Variants in EHHADH observed in about 807,000 individuals in gnomAD.
The protein encoded by EHHADH is peroxisomal bifunctional enzyme.
Under a neutral mutation model 64.4 loss-of-function variants are expected in EHHADH, and 48 were observed. That is an observed-to-expected ratio of 0.75 (90% CI 0.59 to 0.95). EHHADH has a LOEUF of 0.95. Ranked by LOEUF, EHHADH falls within the 40% of genes least tolerant of loss-of-function variation. The pLI is 0.00. For synonymous variants in EHHADH, 308 were observed against 326.7 expected (o/e 0.94, Z 0.62); for missense variants, 854 against 876.6 (o/e 0.97, Z 0.33).
intron 6 of EHHADH, among the ~76,000 whole-genome samples, chr3:185,195,247 GAA>G (rs34760528): frequency 6.6e-6 from 1 of 150,990 alleles, no homozygotes; most frequent in African/African-American, 2.4e-5. Context: ...ATAATCACAT[GAA>G]AAAGTGTTCA....
intron 5 of EHHADH, among the ~76,000 whole-genome samples, chr3:185,210,119 C>T (rs1509501): frequency 0.79 from 120,523 of 152,082 alleles, 48,493 homozygotes; most frequent in Non-Finnish European, 0.86. Context: ...GCTGGGCTGC[C>T]GGTGCAATCT....
At chr3:185,243,094 G>A (rs558237208) in intron 2 of EHHADH, among the ~76,000 whole-genome samples, 1 of 152,310 alleles carries the variant, frequency 6.6e-6, no homozygotes, top group East Asian at 1.9e-4. Context: ...TCATCTCCAG[G>A]TAAGGTCAGA....
chr3:185,220,343 A>G (rs1718799243), intron 4 of EHHADH, among the ~76,000 whole-genome samples: 1 of 152,226 alleles, frequency 6.6e-6, no homozygotes, highest in Non-Finnish European at 1.5e-5. Context: ...TTACGATATC[A>G]TATATTTACT....
Position 185,250,760 on chromosome 3 carries a change from A to G in EHHADH, c.75-2243T>C, listed in dbSNP as rs185971364. Among the ~76,000 whole-genome samples, 3 of 152,348 alleles carry G rather than the reference A, an allele frequency of 2.0e-5. No homozygotes were observed. In the East Asian group the frequency reaches 5.8e-4, roughly 29 times the overall value. On this transcript the variant is annotated intron_variant, in intron 1 of 6. Coordinates refer to ENST00000231887, the MANE Select transcript of EHHADH (RefSeq NM_001966.4). The stretch of plus-strand genomic sequence containing the variant: ...CACCTCTTAACCTAGATGAAATCAG[A>G]CAAAACCTCTTGGCTTCAGCTGGTT...
chr3:185,252,101 T>C (rs560360402), intron 1 of EHHADH, among the ~76,000 whole-genome samples: 88 of 152,122 alleles, frequency 5.8e-4, no homozygotes, highest in Middle Eastern at 3.4e-3. Context: ...ATTCCAGAAA[T>C]ATTAAAAGCA....
chr3:185,213,298 G>A (rs1718599259), intron 5 of EHHADH, among the ~76,000 whole-genome samples: 4 of 151,964 alleles, frequency 2.6e-5, no homozygotes, highest in Admixed American at 1.3e-4. Context: ...GTTTGTTAGA[G>A]ATACAAATTC....
At chr3:185,246,098 G>T (rs1719587026) in intron 2 of EHHADH, 3 of 1,283,364 alleles carry the variant, frequency 2.3e-6, no homozygotes. Context: ...ATAATGTCAA[G>T]GTCATCCTCT....
chr3:185,210,342 C>G (rs1251534660), intron 5 of EHHADH, among the ~76,000 whole-genome samples: 1 of 152,070 alleles, frequency 6.6e-6, no homozygotes, highest in Non-Finnish European at 1.5e-5. Context: ...CCAGGCCTCA[C>G]CATAGATTCA....
At chr3:185,242,902 G>A (rs1384128193) in intron 2 of EHHADH, among the ~76,000 whole-genome samples, 1 of 152,188 alleles carries the variant, frequency 6.6e-6, no homozygotes, top group Non-Finnish European at 1.5e-5. Flanking sequence ...GGTTCAAATT[G>A]TTACAAAGTT....
chr3:185,228,647 C>T (rs564295393), intron 4 of EHHADH, among the ~76,000 whole-genome samples: 11 of 151,672 alleles, frequency 7.3e-5, no homozygotes, highest in Non-Finnish European at 1.3e-4. Context: ...CACTGCACTC[C>T]AGCCTGGGCT....
In EHHADH at chr3:185,192,204, A is replaced by G. The variant is rs749686002; in HGVS notation, c.*22T>C. The G allele has an allele frequency of 1.3e-6, 2 of 1,594,598 alleles. No individual in the cohort carries two copies. Among genetic ancestry groups the G allele is most frequent in the Admixed American group, 1.7e-5 (1 of 57,574 alleles). ...CAGCATTACCTGATGCTAGCATGTG[A>G]GGCATAATCTGGAAGACTGAATCAC... On this transcript the variant is annotated 3_prime_UTR_variant, in exon 7 of 7. Transcript: ENST00000231887.
chr3:185,246,209 CT>C (rs1719590642), intron 2 of EHHADH: 1 of 954,852 alleles, frequency 1.0e-6, no homozygotes, highest in Non-Finnish European at 1.6e-6. Flanking sequence ...TTTTCTTTTT[CT>C]TTTGATTAAA....
chr3:185,209,923 A>G (rs1004271774), intron 5 of EHHADH, among the ~76,000 whole-genome samples: 1 of 152,216 alleles, frequency 6.6e-6, no homozygotes, highest in African/African-American at 2.4e-5. Context: ...TACTTGCTCA[A>G]TTACCCAAAG....
At chr3:185,218,416 C>G (rs529394652) in intron 4 of EHHADH, among the ~76,000 whole-genome samples, 176 bp from the exon 5 acceptor site, 1 of 151,878 alleles carries the variant, frequency 6.6e-6, no homozygotes, top group Admixed American at 6.6e-5. Context: ...ACTGAGGTAA[C>G]CAGGAAACTT....
intron 2 of EHHADH, among the ~76,000 whole-genome samples, chr3:185,240,933 T>C (rs1246554505): frequency 6.6e-6 from 1 of 152,214 alleles, no homozygotes; most frequent in East Asian, 1.9e-4. Flanking sequence ...GCACTGTATT[T>C]GTAGTCTTTT....
chr3:185,240,225 T>TG (rs1719411603), intron 2 of EHHADH, among the ~76,000 whole-genome samples: 1 of 110,228 alleles, frequency 9.1e-6, no homozygotes, highest in African/African-American at 3.1e-5. Context: ...TTAGTTTTTG[T>TG]TTTTTTTTTT....
intron 5 of EHHADH, among the ~76,000 whole-genome samples, chr3:185,210,636 A>C (rs1284644382): frequency 7.9e-6 from 1 of 127,272 alleles, no homozygotes; most frequent in East Asian, 2.0e-4. Flanking sequence ...CTCTGTCTCA[A>C]AAAAAAAAAA....
At chr3:185,243,392 T>C (rs1373602066) in intron 2 of EHHADH, among the ~76,000 whole-genome samples, 1 of 152,230 alleles carries the variant, frequency 6.6e-6, no homozygotes, top group Non-Finnish European at 1.5e-5. Context: ...TCCACCATGA[T>C]GATCCTTAAT....
chr3:185,243,055 A>T (rs755780004), intron 2 of EHHADH, among the ~76,000 whole-genome samples: 10 of 152,122 alleles, frequency 6.6e-5, no homozygotes, highest in Non-Finnish European at 1.0e-4. Flanking sequence ...TCCTCCACCC[A>T]TGTATTTCAC....
Sources: allele counts gnomAD v4.1 joint callset (sites outside exome capture counted in the v4.1 genomes callset), GRCh38; gene constraint gnomAD v4.1.1; transcripts MANE v1.5; gene names NCBI Gene and HGNC (gene_info 2026-07-23, HGNC 2026-07-21).